NBEA: variants seen among roughly 807,000 people sequenced by gnomAD.
NBEA encodes the protein neurobeachin, also known as lysosomal-trafficking regulator 2.
In NBEA, 44 loss-of-function variants were observed where a neutral mutation model predicts 343.4. The ratio of observed to expected loss-of-function variants is 0.13; its 90% CI spans 0.10 to 0.16. The LOEUF (loss-of-function observed/expected upper bound fraction) is 0.16, where lower values mean the gene tolerates loss of function less well. NBEA is among the 10% of genes least tolerant of loss of function. The probability of loss-of-function intolerance (pLI) is 1.00; values close to 1 mark genes in which losing one functional copy is unlikely to be tolerated. For missense variants in NBEA, 2,555 were observed against 3,631.3 expected (o/e 0.70, Z 7.62); for synonymous variants, 1,175 against 1,238.7 (o/e 0.95, Z 1.08).
chr13:35,090,606 A>G (rs1053659386), intron 10 of NBEA, among the ~76,000 whole-genome samples: 7 of 151,912 alleles, frequency 4.6e-5, no homozygotes, highest in African/African-American at 9.7e-5. Context: ...CTATATGCCA[A>G]TATCTGGGCA....
chr13:35,431,952 T>C (rs1384787533), intron 38 of NBEA, among the ~76,000 whole-genome samples: 1 of 152,154 alleles, frequency 6.6e-6, no homozygotes, highest in Non-Finnish European at 1.5e-5. Context: ...TGTAATTTGA[T>C]GTTGCCTTTG....
chr13:35,395,951 C>T (rs963034562), intron 38 of NBEA, among the ~76,000 whole-genome samples: 6 of 152,104 alleles, frequency 3.9e-5, no homozygotes, highest in Non-Finnish European at 5.9e-5. Flanking sequence ...ATATACATAG[C>T]TACTCTGGCA....
rs1280141820 is a variant in NBEA at position 35,211,058 on chromosome 13, G to A, written c.5527G>A (p.Val1843Met). Residue 1843 changes from valine to methionine, a missense_variant, in exon 33 of 59, where the codon GTG (valine) becomes ATG (methionine). Physicochemically the swap from Val to Met is conservative, Grantham distance 21. Coordinates refer to ENST00000379939, the MANE Select transcript of NBEA (RefSeq NM_001385012.1). ...AATTATTATTTTGGGAACAGGTGCC[G>A]TGGATTCAGGGTCCTCCTCCTCTTC... ...PKSMINTTGAVDSGSSSSSSS... is the reference protein window; with the variant it reads ...PKSMINTTGAMDSGSSSSSSS... The A allele has an allele frequency of 1.4e-5, 22 of 1,549,462 alleles. No homozygotes were observed. The highest frequency in any genetic ancestry group is 3.6e-5 in the South Asian group (3 of 83,430).
At chr13:35,512,419 T>C (rs990296486) in intron 41 of NBEA, among the ~76,000 whole-genome samples, 4 of 152,212 alleles carry the variant, frequency 2.6e-5, no homozygotes, top group Admixed American at 2.6e-4. Context: ...CCTCAAGCAA[T>C]AGATGCTATA....
intron 38 of NBEA, among the ~76,000 whole-genome samples, chr13:35,397,933 C>G (rs1310375280): frequency 6.6e-6 from 1 of 152,104 alleles, no homozygotes; most frequent in East Asian, 1.9e-4. Context: ...TGAAGTTTTG[C>G]CACATCAGTT....
At chr13:35,483,460 A>C (rs2076194566) in intron 41 of NBEA, among the ~76,000 whole-genome samples, 1 of 152,032 alleles carries the variant, frequency 6.6e-6, no homozygotes, top group African/African-American at 2.4e-5. Flanking sequence ...ATTACTTAAT[A>C]TATGCACATT....
chr13:35,244,070 A>C (rs985826293), intron 34 of NBEA, among the ~76,000 whole-genome samples: 1 of 151,942 alleles, frequency 6.6e-6, no homozygotes, highest in African/African-American at 2.4e-5. Context: ...TAAAACTATT[A>C]AAATCTTACA....
intron 45 of NBEA, among the ~76,000 whole-genome samples, chr13:35,575,157 A>G (rs2080673300): frequency 6.6e-6 from 1 of 152,214 alleles, no homozygotes; most frequent in Non-Finnish European, 1.5e-5. Context: ...AATTAATAGA[A>G]AAATGTAATC....
intron 40 of NBEA, among the ~76,000 whole-genome samples, chr13:35,463,880 G>A (rs1480060776): frequency 6.6e-6 from 1 of 151,854 alleles, no homozygotes; most frequent in Non-Finnish European, 1.5e-5. Flanking sequence ...GATAGAGGGG[G>A]TAACTACCTC....
At chr13:34,947,119 G>C (rs1207910790) in intron 1 of NBEA, among the ~76,000 whole-genome samples, 5 of 151,592 alleles carry the variant, frequency 3.3e-5, no homozygotes, top group Non-Finnish European at 4.4e-5. Context: ...ATATTAATTT[G>C]AGTTGTATTT....
chr13:35,394,753 CT>C (rs2042665241), intron 38 of NBEA, among the ~76,000 whole-genome samples: 2 of 151,820 alleles, frequency 1.3e-5, no homozygotes, highest in South Asian at 2.1e-4. Flanking sequence ...CTTGTGGTTT[CT>C]TCTCTCATCC....
chr13:35,472,614 T>G, intron 41 of NBEA, 78 bp downstream of exon 41: 1 of 1,492,306 alleles, frequency 6.7e-7, no homozygotes, highest in Non-Finnish European at 9.3e-7. Context: ...TGGTTTTACC[T>G]GACAGTGGAG....
chr13:35,029,503 G>T (rs1365350598), intron 1 of NBEA, among the ~76,000 whole-genome samples: 1 of 151,572 alleles, frequency 6.6e-6, no homozygotes, highest in Non-Finnish European at 1.5e-5. Context: ...CTGGGAATTA[G>T]AAAAAACTGA....
intron 35 of NBEA, among the ~76,000 whole-genome samples, chr13:35,308,592 GTATATATGTATA>G (rs1450856908): frequency 3.0e-5 from 4 of 131,776 alleles, no homozygotes; most frequent in African/African-American, 1.2e-4. Context: ...ATGTATATAT[GTATATATGTATA>G]TATGTATATA....
rs200247082 is a variant in NBEA at position 35,589,917 on chromosome 13, G to T, written c.7177-3411G>T. Among the ~76,000 whole-genome samples, 11 of 152,160 alleles carry T rather than the reference G, an allele frequency of 7.2e-5. No individual in the cohort carries two copies. In the East Asian group the frequency reaches 1.9e-3, roughly 27 times the overall value. ...CTGCCATTGGCCATTTATATTGCAGGACCTAACCTGAACTTTGTAAAGACT... is the reference window on the plus strand; with the variant it reads ...CTGCCATTGGCCATTTATATTGCAGTACCTAACCTGAACTTTGTAAAGACT... On this transcript the variant is annotated intron_variant, in intron 46 of 58. Coordinates refer to ENST00000379939, the MANE Select transcript of NBEA (RefSeq NM_001385012.1).
intron 18 of NBEA, 39 bp from the exon 19 acceptor site, chr13:35,155,735 A>G (rs2069128706): frequency 6.7e-7 from 1 of 1,483,532 alleles, no homozygotes; most frequent in Non-Finnish European, 9.4e-7. Context: ...TATTATTTAA[A>G]TTGTTTTCTA....
intron 38 of NBEA, among the ~76,000 whole-genome samples, chr13:35,380,208 G>T (rs1344576744): frequency 1.2e-5 from 1 of 84,000 alleles, no homozygotes; most frequent in South Asian, 4.4e-4. Flanking sequence ...ACTTTGGAAG[G>T]CTGAGGCAGG....
Position 35,211,184 on chromosome 13 carries a change from G to A in NBEA, c.5648+5G>A. 1 of 1,546,804 alleles carries A rather than the reference G, an allele frequency of 6.5e-7. No individual in the cohort carries two copies. Among genetic ancestry groups the A allele is most frequent in the Non-Finnish European group, 8.7e-7 (1 of 1,145,292 alleles). ...AGATTCAGCTGAAAATATGAGGTAT[G>A]CATGACTACTTTTTATTCATTTTAA... On this transcript the variant is annotated splice_donor_5th_base_variant and intron_variant, in intron 33 of 58. Coordinates refer to ENST00000379939, the MANE Select transcript of NBEA (RefSeq NM_001385012.1).
chr13:35,658,498 T>C (rs1297687096), intron 55 of NBEA, among the ~76,000 whole-genome samples: 5 of 152,174 alleles, frequency 3.3e-5, no homozygotes, highest in Non-Finnish European at 7.3e-5. Context: ...CCTGGTACTA[T>C]CCCAGCAGCT....
Sources: gnomAD v4.1 joint callset for allele counts (sites outside exome capture counted in the v4.1 genomes callset) on GRCh38, gnomAD v4.1.1 for gene constraint, MANE v1.5 for transcripts, NCBI Gene and HGNC (gene_info 2026-07-23, HGNC 2026-07-21) for gene names.